Variants in MYH13 observed in about 807,000 individuals in gnomAD.
MYH13 encodes the protein myosin heavy chain 13, also known as myosin-13.
A neutral mutation model predicts 232.1 loss-of-function variants in MYH13; 177 were observed. The ratio of observed to expected loss-of-function variants is 0.76; its 90% CI spans 0.67 to 0.86. The LOEUF (loss-of-function observed/expected upper bound fraction) is 0.86. Ranked by LOEUF, MYH13 falls within the 40% of genes least tolerant of loss-of-function variation. The pLI is 0.00. For missense variants in MYH13, 2,246 were observed against 2,405.9 expected (o/e 0.93, Z 1.39); for synonymous variants, 884 against 923.5 (o/e 0.96, Z 0.78).
intron 33 of MYH13, 81 bp from the exon 34 acceptor site, chr17:10,309,911 A>C: frequency 1.7e-6 from 2 of 1,187,636 alleles, no homozygotes; most frequent in Non-Finnish European, 2.3e-6. Flanking sequence ...ATACGATCAA[A>C]TGGGTATGCG....
Position 10,362,474 on chromosome 17 carries a change from GA to G in MYH13, c.233del (p.Phe78SerfsTer3), listed in dbSNP as rs2071802280. The G allele has an allele frequency of 1.9e-6, 3 of 1,614,168 alleles. No homozygotes were observed. The East Asian group carries it at 6.7e-5, about 36-fold the overall frequency. On this transcript the variant is annotated frameshift_variant, in exon 4 of 41. Transcript: ENST00000252172. LOFTEE classifies it high-confidence loss of function. ...RMLTLNNDQV[F>X]PMNPPKFDKI... ...TGTCAAATTTGGGAGGGTTCATGGG[GA>G]AGACCTGGTCATTGTTCAGAGTGAG...
chr17:10,329,199 A>G (rs1350004977), intron 21 of MYH13, among the ~76,000 whole-genome samples: 2 of 152,058 alleles, frequency 1.3e-5, no homozygotes, highest in Non-Finnish European at 1.5e-5. Flanking sequence ...GCGGTTCATT[A>G]TGGCTCTGAC....
intron 12 of MYH13, among the ~76,000 whole-genome samples, chr17:10,350,314 G>A (rs941016375): frequency 6.6e-6 from 1 of 152,154 alleles, no homozygotes; most frequent in Non-Finnish European, 1.5e-5. Context: ...AGTGGAGTGC[G>A]TGGTGATTAT....
rs760714554 is a variant in MYH13, at chr17:10,315,882, G to A, written c.3865+17C>T. 1 of 1,613,928 alleles carries A rather than the reference G, an allele frequency of 6.2e-7. No homozygotes were observed. The highest frequency in any genetic ancestry group is 8.5e-7 in the Non-Finnish European group (1 of 1,179,880). On this transcript the variant is annotated intron_variant, in intron 28 of 40. Coordinates refer to ENST00000252172, the MANE Select transcript of MYH13 (RefSeq NM_003802.3). The stretch of plus-strand genomic sequence containing the variant: ...CTCCCATGGCCCGGCTGGACCCAGA[G>A]CCCTGCCCATTCTCACCATTTTGGG...
At chr17:10,341,282 C>T (rs948813198) in intron 16 of MYH13, 1 of 151,944 alleles carries the variant, frequency 6.6e-6, no homozygotes, top group Non-Finnish European at 1.5e-5. Context: ...GAACTCCTGA[C>T]CTCAAGGGAT....
rs1906893763 is a variant in MYH13, at chr17:10,320,361, T to C, written c.3247A>G (p.Lys1083Glu). ...AAAAGAAATATCTACTTTTTCAATT[T>C]CTCTTCTATTTGCTGCTTGTCATTT... ...LENDKQQIEE[K>E]LKKKEFELSQ... is the part of the protein sequence containing the mutation. The change falls in exon 25 of 41, where the codon AAA (lysine) becomes GAA (glutamate). Residue 1083 changes from lysine (K) to glutamate (E), a missense_variant. Physicochemically the swap from Lys to Glu is moderately conservative, Grantham distance 56. Coordinates refer to ENST00000252172, the MANE Select transcript of MYH13 (RefSeq NM_003802.3). The C allele has an allele frequency of 1.9e-6, 3 of 1,611,606 alleles. No homozygotes were observed. The highest frequency in any genetic ancestry group is 2.5e-6 in the Non-Finnish European group (3 of 1,178,818).
chr17:10,340,451 C>A, intron 16 of MYH13, 50 bp from the exon 17 acceptor site: 2 of 1,473,390 alleles, frequency 1.4e-6, no homozygotes, highest in Admixed American at 2.0e-5. Context: ...GAGGACCCAG[C>A]AGTGGGCTTC....
In MYH13 at chr17:10,306,845, C is replaced by A; in HGVS notation, c.5295+94G>T. 1 of 1,589,434 alleles carries A rather than the reference C, an allele frequency of 6.3e-7. No homozygotes were observed. The highest frequency in any genetic ancestry group is 1.1e-5 in the South Asian group (1 of 87,944). ...GAAGCCACCACTAACCGATTGTTGT[C>A]ATAAGAGATGAAACATACTTGCCAC... On this transcript the variant is annotated intron_variant, in intron 36 of 40. Transcript: ENST00000252172. The surrounding 1 kb of genome is among the most constrained non-coding windows in gnomAD (Gnocchi z 4.3).
Position 10,354,978 on chromosome 17 carries a change from G to C in MYH13, c.818C>G (p.Ser273Cys). The change falls in exon 10 of 41, where the codon TCC becomes TGC. Residue 273 changes from serine (S) to cysteine (C), a missense_variant. By Grantham distance (112) the Ser-to-Cys change is moderately radical (BLOSUM62 -1). Transcript: ENST00000252172. ...ACTGGATAATTGAAACGTCACTCTG[G>C]ATTTTTCTAACAGATCTAAGGTAAC... ...ADIETYLLEK[S>C]RVTFQLSSER... The C allele has an allele frequency of 6.2e-7, 1 of 1,610,286 alleles. No individual in the cohort carries two copies. Among genetic ancestry groups the C allele is most frequent in the South Asian group, 1.1e-5 (1 of 90,992 alleles).
chr17:10,366,379 C>CTTTTTTTTTTTT (rs1555553015), intron 2 of MYH13, among the ~76,000 whole-genome samples: 3 of 117,030 alleles, frequency 2.6e-5, no homozygotes, highest in Admixed American at 1.6e-4. Context: ...AGAAATAAAT[C>CTTTTTTTTTTTT]TGTTTTTTTT....
intron 15 of MYH13, among the ~76,000 whole-genome samples, chr17:10,344,817 T>C (rs1205719407): frequency 3.6e-5 from 4 of 112,494 alleles, no homozygotes; most frequent in Admixed American, 2.8e-4. Flanking sequence ...CAAGACTCCG[T>C]CTCAAAAAAA....
At chr17:10,359,372 G>T (rs931680917) in intron 7 of MYH13, among the ~76,000 whole-genome samples, 2 of 152,182 alleles carry the variant, frequency 1.3e-5, no homozygotes, top group African/African-American at 2.4e-5. Flanking sequence ...GTTCCAGGTT[G>T]ATGAACACCT....
intron 2 of MYH13, among the ~76,000 whole-genome samples, chr17:10,364,946 G>A (rs2071822681): frequency 6.6e-6 from 1 of 151,948 alleles, no homozygotes; most frequent in South Asian, 2.1e-4. Flanking sequence ...CTCGATCTCG[G>A]CTCTGCAACC....
chr17:10,306,452 A>G lies in MYH13; in HGVS notation c.5466+7T>C, dbSNP rs1906288428. 6 of 1,613,500 alleles carry G rather than the reference A, an allele frequency of 3.7e-6. No homozygotes were observed. The highest frequency in any genetic ancestry group is 5.1e-6 in the Non-Finnish European group (6 of 1,179,876). On this transcript the variant is annotated splice_region_variant and intron_variant, in intron 37 of 40. Coordinates refer to ENST00000252172, the MANE Select transcript of MYH13 (RefSeq NM_003802.3). This position sits in a 1 kb window ranked among gnomAD's most constrained non-coding sequence, Gnocchi z 4.3. ...TTTCAGAGTAACAGTCCTCTCAAAA[A>G]CTCTACCCGGTTCTCCAGTTTCTGG...
intron 27 of MYH13, chr17:10,317,607 C>A (rs541263159): frequency 6.6e-6 from 1 of 152,456 alleles, no homozygotes; most frequent in South Asian, 2.1e-4. Context: ...GCTCAGAGCA[C>A]CCTGCAAGGA....
At chr17:10,312,823 A>G (rs1906558332) in intron 30 of MYH13, 66 bp from the exon 31 acceptor site, 2 of 1,502,978 alleles carry the variant, frequency 1.3e-6, no homozygotes, top group Non-Finnish European at 1.8e-6. Context: ...TAACTGTCAG[A>G]TGGGAAGAGA....
intron 23 of MYH13, among the ~76,000 whole-genome samples, chr17:10,322,484 T>C (rs1280738828): frequency 1.3e-5 from 2 of 152,124 alleles, no homozygotes; most frequent in African/African-American, 4.8e-5. Context: ...AACACGGAAC[T>C]TGAAGGAAGT....
chr17:10,343,070 A>C (rs9900439), intron 16 of MYH13, among the ~76,000 whole-genome samples: 114,083 of 146,280 alleles, frequency 0.78, 45,069 homozygotes, highest in East Asian at 0.88. Context: ...AGCCTGGAGA[A>C]AGAGCAAGAC....
rs746577108 is a variant in MYH13 at position 10,316,009 on chromosome 17, G to A, written c.3755C>T (p.Thr1252Met). Residue 1252 changes from threonine (T) to methionine (M), a missense_variant, in exon 28 of 41, where the codon ACG (threonine) becomes ATG (methionine). Transcript: ENST00000252172. ...LSKSKSNIER[T>M]CRTVEDQFSE... Reference sequence around the variant, plus strand: ...AAATTGATCTTCTACCGTCCGGCACGTTCTTTCTATGTTACTCTTTAACAA... The same window carrying A: ...AAATTGATCTTCTACCGTCCGGCACATTCTTTCTATGTTACTCTTTAACAA... The A allele has an allele frequency of 2.2e-5, 36 of 1,613,802 alleles. No homozygotes were observed. The African/African-American group carries it at 4.1e-4, about 19-fold the overall frequency.
Sources: allele counts gnomAD v4.1 joint callset (sites outside exome capture counted in the v4.1 genomes callset), GRCh38; gene constraint gnomAD v4.1.1; non-coding constraint Gnocchi (gnomAD v3.1); transcripts MANE v1.5; gene names NCBI Gene and HGNC (gene_info 2026-07-23, HGNC 2026-07-21).